MGAT4C: variants seen among roughly 807,000 people sequenced by gnomAD.
The protein encoded by MGAT4C is alpha-1,3-mannosyl-glycoprotein 4-beta-N-acetylglucosaminyltransferase C.
In MGAT4C, 19 loss-of-function variants were observed where a neutral mutation model predicts 40.1. The observed-to-expected ratio is 0.47, with a 90% confidence interval of 0.33 to 0.70. The LOEUF is 0.70. Ranked by LOEUF, MGAT4C falls within the 30% of genes least tolerant of loss-of-function variation. The pLI, the probability that MGAT4C is intolerant of heterozygous loss-of-function variation, is 0.02. For synonymous variants in MGAT4C, 181 were observed against 187.1 expected (o/e 0.97, Z 0.27); for missense variants, 491 against 563.2 (o/e 0.87, Z 1.30).
chr12:86,645,200 A>T (rs1429966908), intron 2 of MGAT4C, among the ~76,000 whole-genome samples: 1 of 151,678 alleles, frequency 6.6e-6, no homozygotes, highest in East Asian at 1.9e-4. Context: ...ACCAAGAAAA[A>T]GTTCTAATTG....
At chr12:86,107,401 C>A (rs916070335) in intron 1 of MGAT4C, among the ~76,000 whole-genome samples, 2 of 151,826 alleles carry the variant, frequency 1.3e-5, no homozygotes, top group Non-Finnish European at 2.9e-5. Flanking sequence ...AGATGATAAT[C>A]CATATGTAAT....
chr12:86,307,081 A>G (rs959989243), intron 4 of MGAT4C, among the ~76,000 whole-genome samples: 1 of 150,552 alleles, frequency 6.6e-6, no homozygotes, highest in African/African-American at 2.5e-5. Flanking sequence ...AGAATTCTTC[A>G]ATCATATTGA....
intron 2 of MGAT4C, among the ~76,000 whole-genome samples, chr12:86,507,929 T>C (rs1958499846): frequency 6.6e-6 from 1 of 152,194 alleles, no homozygotes; most frequent in Non-Finnish European, 1.5e-5. Flanking sequence ...GATTGATTTT[T>C]CTATTTCTGT....
At chr12:86,277,278 T>G (rs940857880) in intron 4 of MGAT4C, among the ~76,000 whole-genome samples, 1 of 152,178 alleles carries the variant, frequency 6.6e-6, no homozygotes, top group Admixed American at 6.5e-5. Context: ...TTTTCTTATA[T>G]ATTCTGGTTA....
At position 86,743,039 on chromosome 12, in the gene MGAT4C, G is replaced by A. The variant is rs139630826; in HGVS notation, c.-261-15798C>T. Among the ~76,000 whole-genome samples, 499 of 146,656 alleles carry A rather than the reference G, an allele frequency of 3.4e-3. 2 individuals are homozygous for A. The highest frequency in any genetic ancestry group is 0.012 in the African/African-American group (492 of 39,904). On this transcript the variant is annotated intron_variant, in intron 1 of 7. Transcript: ENST00000548651. ...TGTATGCATGTGTGTATGTGTATGT[G>A]TGTTTTGCATGTGTGTATGTGTATG...
chr12:86,491,136 A>C (rs1958124406), intron 2 of MGAT4C, among the ~76,000 whole-genome samples: 1 of 152,166 alleles, frequency 6.6e-6, no homozygotes, highest in Non-Finnish European at 1.5e-5. Flanking sequence ...CAGGCTCTGA[A>C]ATTGTGGCAA....
At chr12:86,619,037 T>C (rs1249340187) in intron 2 of MGAT4C, among the ~76,000 whole-genome samples, 1 of 152,050 alleles carries the variant, frequency 6.6e-6, no homozygotes, top group Non-Finnish European at 1.5e-5. Context: ...AACAACTATT[T>C]ACATAGAGTT....
chr12:86,242,404 T>C (rs777983435), intron 1 of MGAT4C, among the ~76,000 whole-genome samples: 13 of 152,168 alleles, frequency 8.5e-5, no homozygotes, highest in Non-Finnish European at 1.9e-4. Context: ...ATCATTTCAT[T>C]TATTTAAATG....
At chr12:86,070,935 G>A (rs1868353832) in intron 1 of MGAT4C, among the ~76,000 whole-genome samples, 1 of 152,040 alleles carries the variant, frequency 6.6e-6, no homozygotes, top group Admixed American at 6.6e-5. Flanking sequence ...GCTTTTAAAT[G>A]GGGATGAAAT....
chr12:86,632,562 G>T, intron 2 of MGAT4C, among the ~76,000 whole-genome samples: 1 of 152,080 alleles, frequency 6.6e-6, no homozygotes, highest in East Asian at 1.9e-4. Flanking sequence ...ATACACTATG[G>T]AATACTATGC....
intron 1 of MGAT4C, among the ~76,000 whole-genome samples, chr12:86,771,095 G>A (rs1487021816): frequency 6.6e-6 from 1 of 152,068 alleles, no homozygotes; most frequent in Non-Finnish European, 1.5e-5. Context: ...ATAGAGAGAT[G>A]ATATGAAGAC....
chr12:86,660,706 C>T (rs1963960309), intron 2 of MGAT4C, among the ~76,000 whole-genome samples: 2 of 152,116 alleles, frequency 1.3e-5, no homozygotes, highest in Admixed American at 6.5e-5. Flanking sequence ...CCTTTTATTC[C>T]CTTGGCTTCT....
intron 1 of MGAT4C, among the ~76,000 whole-genome samples, chr12:86,242,569 T>C (rs1951834324): frequency 6.6e-6 from 1 of 152,190 alleles, no homozygotes; most frequent in Non-Finnish European, 1.5e-5. Context: ...CACATTGACT[T>C]TGGACTAAAG....
chr12:86,245,653 A>G (rs1419539640), intron 1 of MGAT4C, among the ~76,000 whole-genome samples: 1 of 152,016 alleles, frequency 6.6e-6, no homozygotes, highest in Non-Finnish European at 1.5e-5. Flanking sequence ...TTTGATCTCA[A>G]TTTCTCTGAA....
intron 3 of MGAT4C, among the ~76,000 whole-genome samples, chr12:86,400,391 C>T (rs1009035859): frequency 6.6e-6 from 1 of 152,134 alleles, no homozygotes; most frequent in Non-Finnish European, 1.5e-5. Context: ...CAGGTAAAAA[C>T]ATAACAAAGC....
At chr12:86,816,415 A>G (rs1952607812) in intron 1 of MGAT4C, among the ~76,000 whole-genome samples, 1 of 151,786 alleles carries the variant, frequency 6.6e-6, no homozygotes, top group Non-Finnish European at 1.5e-5. Flanking sequence ...AGAATATTTT[A>G]CTTTTGTGTA....
At chr12:86,449,544 C>T (rs571466302) in intron 2 of MGAT4C, among the ~76,000 whole-genome samples, 1 of 152,086 alleles carries the variant, frequency 6.6e-6, no homozygotes, top group Admixed American at 6.5e-5. Flanking sequence ...TCAAAGATCG[C>T]AAAAGCCTGC....
chr12:86,639,658 C>T (rs897719296), intron 2 of MGAT4C, among the ~76,000 whole-genome samples: 1 of 151,752 alleles, frequency 6.6e-6, no homozygotes, highest in Non-Finnish European at 1.5e-5. Context: ...TATCATTTTA[C>T]AATTATCTGG....
chr12:86,386,434 G>C (rs1320744545), intron 3 of MGAT4C, among the ~76,000 whole-genome samples: 1 of 152,172 alleles, frequency 6.6e-6, no homozygotes, highest in East Asian at 1.9e-4. Context: ...CTCATAGACA[G>C]GAAGTGCTCA....
Sources: gnomAD v4.1 joint callset for allele counts (sites outside exome capture counted in the v4.1 genomes callset) on GRCh38, gnomAD v4.1.1 for gene constraint, MANE v1.5 for transcripts, NCBI Gene and HGNC (gene_info 2026-07-23, HGNC 2026-07-21) for gene names.